The following MSR1 variants were observed in gnomAD, a reference collection of about 807,000 sequenced individuals.
The protein encoded by MSR1 is macrophage scavenger receptor 1.
A neutral mutation model predicts 47.2 loss-of-function variants in MSR1; 53 were observed. The observed-to-expected ratio is 1.12, with a 90% CI of 0.90 to 1.41. The LOEUF is 1.41. Among genes scored for constraint, MSR1 ranks in the 40% most tolerant of loss-of-function variants. The probability of loss-of-function intolerance (pLI) is 0.00; values close to 1 mark genes in which losing one functional copy is unlikely to be tolerated. For synonymous variants in MSR1, 239 were observed against 185.6 expected (o/e 1.29, Z -2.34); for missense variants, 786 against 546.9 (o/e 1.44, Z -4.36).
intron 1 of MSR1, among the ~76,000 whole-genome samples, chr8:16,182,880 T>C (rs1321634157): frequency 1.3e-5 from 2 of 152,054 alleles, no homozygotes; most frequent in Admixed American, 6.6e-5. Context: ...ACATAAACCA[T>C]TAACATTTAT....
At chr8:16,152,373 C>T (rs775431062) in intron 6 of MSR1, among the ~76,000 whole-genome samples, 39 of 152,000 alleles carry the variant, frequency 2.6e-4, no homozygotes, top group Non-Finnish European at 5.3e-4. Flanking sequence ...TGGGAAGGGG[C>T]GGGCCAGGGT....
chr8:16,174,951 T>C (rs113006350), intron 3 of MSR1, among the ~76,000 whole-genome samples: 68 of 152,318 alleles, frequency 4.5e-4, no homozygotes, highest in African/African-American at 1.4e-3. Flanking sequence ...TCTGTATTTT[T>C]ATCTTGCACT....
intron 4 of MSR1, among the ~76,000 whole-genome samples, chr8:16,166,164 C>CTTTT (rs397892292): frequency 2.0e-4 from 14 of 71,288 alleles, no homozygotes; most frequent in African/African-American, 6.7e-4. Flanking sequence ...CTTTTTCTTT[C>CTTTT]TTTTTTTTTT....
chr8:16,148,649 G>C (rs922853217), intron 7 of MSR1, among the ~76,000 whole-genome samples: 3 of 151,902 alleles, frequency 2.0e-5, no homozygotes, highest in Non-Finnish European at 4.4e-5. Flanking sequence ...CACCAGGTTG[G>C]CCAGGCTGGT....
chr8:16,113,435 T>C (rs1306510791), intron 9 of MSR1, among the ~76,000 whole-genome samples: 1 of 152,172 alleles, frequency 6.6e-6, no homozygotes, highest in African/African-American at 2.4e-5. Context: ...GCAAATATCA[T>C]TAATAGTTAA....
chr8:16,119,925 A>C, intron 9 of MSR1, among the ~76,000 whole-genome samples: 1 of 137,338 alleles, frequency 7.3e-6, no homozygotes, highest in Admixed American at 7.8e-5. Flanking sequence ...TATGTTGTCC[A>C]CGCTGGTCTT....
At chr8:16,124,217 G>A (rs112468326) in intron 8 of MSR1, among the ~76,000 whole-genome samples, 6 of 152,280 alleles carry the variant, frequency 3.9e-5, no homozygotes, top group African/African-American at 1.4e-4. Context: ...TTCCCACAGT[G>A]AGAATGGGGA....
chr8:16,140,705 G>T, intron 8 of MSR1: 2 of 1,357,282 alleles, frequency 1.5e-6, no homozygotes, highest in Non-Finnish European at 1.9e-6. Context: ...CTGAGGACTG[G>T]TTGGAGCAGC....
intron 8 of MSR1, among the ~76,000 whole-genome samples, chr8:16,135,913 G>A (rs2117094365): frequency 6.6e-6 from 1 of 152,216 alleles, no homozygotes; most frequent in Admixed American, 6.5e-5. Context: ...AGAATTAGAA[G>A]TGGAGCCTGA....
intron 8 of MSR1, among the ~76,000 whole-genome samples, chr8:16,138,565 G>A (rs1800448215): frequency 6.6e-6 from 1 of 152,038 alleles, no homozygotes. Context: ...TTTAGTCTAG[G>A]ATGTCAGATG....
In MSR1 at chr8:16,129,463, A is replaced by G. The variant is rs185198433; in HGVS notation, c.1034-8857T>C. 1.7e-4 allele frequency among the ~76,000 whole-genome samples: 26 copies of G among 152,190 alleles called. No homozygotes were observed. In the East Asian group the frequency reaches 3.3e-3, roughly 19 times the overall value. ...GAAATCTCGTCTTAAGATTCACCTC[A>G]GGTTGGGTGCCGTGGCTTATGTCTG... On this transcript the variant is annotated intron_variant, in intron 8 of 9. Transcript: ENST00000262101.
intron 1 of MSR1, among the ~76,000 whole-genome samples, chr8:16,183,850 G>T (rs1048248222): frequency 7.2e-6 from 1 of 139,820 alleles, no homozygotes. Context: ...TCATAGAATT[G>T]GCAATATATA....
Position 16,190,692 on chromosome 8 carries a change from G to GT in MSR1, c.-5+1905dup, listed in dbSNP as rs546611885. On this transcript the variant is annotated intron_variant, in intron 1 of 9. Coordinates refer to ENST00000262101, the MANE Select transcript of MSR1 (RefSeq NM_138715.3). ...TTTTCCTAAGATTTTTCCCTATTTA[G>GT]TTTTTTTATCATATTCTTTCTTTTT... 4.6e-4 allele frequency among the ~76,000 whole-genome samples: 69 copies of GT among 149,714 alleles called. 1 individual carries two copies. Among genetic ancestry groups the GT allele is most frequent in the African/African-American group, 1.5e-3 (61 of 40,206 alleles).
chr8:16,166,758 T>C (rs1017861244), intron 4 of MSR1, among the ~76,000 whole-genome samples: 1 of 152,160 alleles, frequency 6.6e-6, no homozygotes, highest in African/African-American at 2.4e-5. Context: ...TTTTGGTGTG[T>C]CCTTGATAAG....
chr8:16,162,407 G>A (rs981039892), intron 5 of MSR1, among the ~76,000 whole-genome samples: 2 of 151,996 alleles, frequency 1.3e-5, no homozygotes, highest in African/African-American at 4.8e-5. Context: ...TCAGGCAGAA[G>A]GAAAATAATC....
intron 9 of MSR1, among the ~76,000 whole-genome samples, 168 bp downstream of exon 9, chr8:16,120,250 G>C (rs1410957884): frequency 6.6e-6 from 1 of 151,638 alleles, no homozygotes; most frequent in African/African-American, 2.4e-5. Flanking sequence ...GGTGGCGCGC[G>C]GCTGTAGTCC....
chr8:16,147,721 C>T (rs889429077), intron 7 of MSR1, among the ~76,000 whole-genome samples: 5 of 152,128 alleles, frequency 3.3e-5, no homozygotes, highest in Admixed American at 6.6e-5. Context: ...ACAACTAGAA[C>T]AGCACCTGGC....
chr8:16,176,475 C>A (rs1466754557), intron 2 of MSR1, among the ~76,000 whole-genome samples: 2 of 148,544 alleles, frequency 1.3e-5, no homozygotes, highest in African/African-American at 5.0e-5. Context: ...CCACTGCACT[C>A]CAGCCTAGGT....
intron 4 of MSR1, among the ~76,000 whole-genome samples, chr8:16,167,778 G>A (rs187409665): frequency 9.7e-4 from 148 of 152,072 alleles, no homozygotes; most frequent in African/African-American, 3.3e-3. Flanking sequence ...TTCGCTTTCT[G>A]TCTTTCTTAT....
Sources: allele counts gnomAD v4.1 joint callset (sites outside exome capture counted in the v4.1 genomes callset), GRCh38; gene constraint gnomAD v4.1.1; transcripts MANE v1.5; gene names NCBI Gene and HGNC (gene_info 2026-07-23, HGNC 2026-07-21).